The following CLSTN2 variants were observed in gnomAD, a reference collection of about 807,000 sequenced individuals.
The protein encoded by CLSTN2 is calsyntenin-2.
Under a neutral mutation model 101.2 loss-of-function variants are expected in CLSTN2, and 48 were observed. The ratio of observed to expected loss-of-function variants is 0.47; its 90% CI spans 0.38 to 0.60. The LOEUF (loss-of-function observed/expected upper bound fraction) is 0.60. Among genes scored for constraint, CLSTN2 ranks in the 20% least tolerant of loss-of-function variants. The pLI, the probability that CLSTN2 is intolerant of heterozygous loss-of-function variation, is 0.00. For synonymous variants in CLSTN2, 481 were observed against 463.6 expected, an observed-to-expected ratio of 1.04 and a Z score of -0.48; for missense variants, 1,160 against 1,238.2, an observed-to-expected ratio of 0.94 and a Z score of 0.95.
chr3:140,474,794 G>C (rs955436794), intron 8 of CLSTN2, among the ~76,000 whole-genome samples: 1 of 152,118 alleles, frequency 6.6e-6, no homozygotes, highest in Non-Finnish European at 1.5e-5. Flanking sequence ...AAGGCTGCAG[G>C]AGTCTGCTGG....
At chr3:140,336,233 A>T (rs1240790822) in intron 2 of CLSTN2, among the ~76,000 whole-genome samples, 1 of 152,158 alleles carries the variant, frequency 6.6e-6, no homozygotes, top group Non-Finnish European at 1.5e-5. Flanking sequence ...CATTTTAAAC[A>T]TTTTATTTCA....
chr3:139,935,447 G>T lies in CLSTN2; in HGVS notation c.73G>T (p.Gly25Trp). ...LGVGSGSGGG[G>W]DSRQRRLLAA... ...CGTGGGGAGCGGCAGCGGCGGTGGCGGGGACAGCCGGCAGCGCCGCCTCCT... is the reference window on the plus strand; with the variant it reads ...CGTGGGGAGCGGCAGCGGCGGTGGCTGGGACAGCCGGCAGCGCCGCCTCCT... Residue 25 changes from glycine to tryptophan, a missense_variant, in exon 1 of 17, where the codon GGG (glycine) becomes TGG (tryptophan). Coordinates refer to ENST00000458420, the MANE Select transcript of CLSTN2 (RefSeq NM_022131.3). This position sits in a 1 kb window ranked among gnomAD's most constrained non-coding sequence, Gnocchi z 5.5. 2 of 1,231,446 alleles carry T rather than the reference G, an allele frequency of 1.6e-6. No individual in the cohort carries two copies. Among genetic ancestry groups the T allele is most frequent in the Non-Finnish European group, 2.0e-6 (2 of 987,354 alleles). The allele number at this position is 1,231,446 out of a possible 1,614,324, so 76.3% of individuals were successfully genotyped here.
chr3:140,157,198 A>C (rs1576449050), intron 1 of CLSTN2, among the ~76,000 whole-genome samples: 1 of 137,390 alleles, frequency 7.3e-6, no homozygotes, highest in South Asian at 2.1e-4. Context: ...TATTGGCCTA[A>C]AGGTTTTTTT....
intron 1 of CLSTN2, among the ~76,000 whole-genome samples, chr3:140,137,307 T>C (rs1401745003): frequency 6.6e-6 from 1 of 152,136 alleles, no homozygotes; most frequent in East Asian, 1.9e-4. Flanking sequence ...TGATATAATA[T>C]ACATTCCTCA....
At chr3:140,240,313 CACACACAT>C (rs1326593503) in intron 2 of CLSTN2, among the ~76,000 whole-genome samples, 38 of 146,730 alleles carry the variant, frequency 2.6e-4, no homozygotes, top group Non-Finnish European at 3.2e-4. Context: ...TATACACACA[CACACACAT>C]ACACATACAC....
chr3:140,064,187 C>T (rs1386105047), intron 1 of CLSTN2, among the ~76,000 whole-genome samples: 1 of 152,212 alleles, frequency 6.6e-6, no homozygotes, highest in Non-Finnish European at 1.5e-5. Flanking sequence ...TCTAAAACAT[C>T]CAAATCACTT....
At chr3:140,342,090 A>G (rs950045677) in intron 2 of CLSTN2, among the ~76,000 whole-genome samples, 2 of 152,204 alleles carry the variant, frequency 1.3e-5, no homozygotes, top group African/African-American at 4.8e-5. Context: ...TGGCCCAGGT[A>G]GCATTCCTTT....
intron 1 of CLSTN2, among the ~76,000 whole-genome samples, chr3:139,946,394 C>T (rs543097780): frequency 6.6e-6 from 1 of 152,286 alleles, no homozygotes; most frequent in East Asian, 1.9e-4. Flanking sequence ...AGGGCATGTC[C>T]AAGTGGGTAT....
chr3:140,156,960 G>A (rs753845783), intron 1 of CLSTN2, among the ~76,000 whole-genome samples: 9 of 152,108 alleles, frequency 5.9e-5, no homozygotes, highest in Admixed American at 4.6e-4. Flanking sequence ...TGACATCAGA[G>A]AGAAGTAAAG....
At chr3:140,563,931 C>A in intron 15 of CLSTN2, 30 bp from the exon 16 acceptor site, 1 of 1,608,522 alleles carries the variant, frequency 6.2e-7, no homozygotes, top group Non-Finnish European at 8.5e-7. Flanking sequence ...CTTTGTTCAC[C>A]ATGTCATGCG....
At chr3:140,020,906 C>T (rs532510272) in intron 1 of CLSTN2, among the ~76,000 whole-genome samples, 1 of 152,318 alleles carries the variant, frequency 6.6e-6, no homozygotes, top group African/African-American at 2.4e-5. Context: ...ACTGCTTCGT[C>T]TTCTAATTGC....
At chr3:140,148,564 T>C (rs1363494759) in intron 1 of CLSTN2, among the ~76,000 whole-genome samples, 1 of 152,198 alleles carries the variant, frequency 6.6e-6, no homozygotes, top group Admixed American at 6.5e-5. Flanking sequence ...ATCTAATAGC[T>C]TCTTGTCCAA....
At position 140,564,059 on chromosome 3, in the gene CLSTN2, C is replaced by G. The variant is rs1285012431; in HGVS notation, c.2581C>G (p.His861Asp). The G allele has an allele frequency of 1.9e-6, 3 of 1,614,148 alleles. No homozygotes were observed. The South Asian group carries it at 3.3e-5, about 18-fold the overall frequency. The change falls in exon 16 of 17, where the codon CAC (histidine) becomes GAC (aspartate). Residue 861 changes from histidine to aspartate, a missense_variant. By Grantham distance (81) the His-to-Asp change is moderately conservative. Transcript: ENST00000458420. ...GVYRVRIAHQHFIQETEAAKE... is the reference protein window; with the variant it reads ...GVYRVRIAHQDFIQETEAAKE... Reference sequence around the variant, plus strand: ...GTACCGGGTCCGGATCGCCCACCAGCACTTCATCCAGGAGACTGAGGCTGC... The same window carrying G: ...GTACCGGGTCCGGATCGCCCACCAGGACTTCATCCAGGAGACTGAGGCTGC...
At chr3:140,084,810 C>T (rs2008654297) in intron 1 of CLSTN2, among the ~76,000 whole-genome samples, 1 of 152,228 alleles carries the variant, frequency 6.6e-6, no homozygotes, top group Non-Finnish European at 1.5e-5. Flanking sequence ...GCATTTTCTA[C>T]TCCTGCTTAC....
At chr3:140,486,213 A>T (rs1409536688) in intron 8 of CLSTN2, among the ~76,000 whole-genome samples, 1 of 152,248 alleles carries the variant, frequency 6.6e-6, no homozygotes, top group Admixed American at 6.5e-5. Flanking sequence ...CAATGGAATG[A>T]CAAAGGAAGT....
chr3:140,016,129 G>A (rs2007195056), intron 1 of CLSTN2, among the ~76,000 whole-genome samples: 1 of 152,188 alleles, frequency 6.6e-6, no homozygotes, highest in African/African-American at 2.4e-5. Flanking sequence ...ATGTGCAGAG[G>A]CATGGCTGTG....
intron 2 of CLSTN2, among the ~76,000 whole-genome samples, chr3:140,226,414 A>G (rs2086320508): frequency 6.6e-6 from 1 of 152,236 alleles, no homozygotes; most frequent in Non-Finnish European, 1.5e-5. Context: ...ATTTTATACA[A>G]CTGTGTTTAA....
intron 1 of CLSTN2, among the ~76,000 whole-genome samples, chr3:140,157,279 C>T (rs2009970594): frequency 6.6e-6 from 1 of 152,030 alleles, no homozygotes; most frequent in Admixed American, 6.6e-5. Context: ...AGCTCCTCCT[C>T]CTCAATGTTT....
chr3:139,966,926 C>A (rs953323369), intron 1 of CLSTN2, among the ~76,000 whole-genome samples: 1 of 152,140 alleles, frequency 6.6e-6, no homozygotes, highest in African/African-American at 2.4e-5. Flanking sequence ...ATCACTCTAT[C>A]GTGCTGCCAG....
Sources: gnomAD v4.1 joint callset for allele counts (sites outside exome capture counted in the v4.1 genomes callset) on GRCh38, gnomAD v4.1.1 for gene constraint, Gnocchi (gnomAD v3.1) non-coding constraint, MANE v1.5 for transcripts, NCBI Gene and HGNC (gene_info 2026-07-23, HGNC 2026-07-21) for gene names.